BCKDHB: variants seen among roughly 807,000 people sequenced by gnomAD.
BCKDHB encodes the protein 2-oxoisovalerate dehydrogenase subunit beta, mitochondrial.
Under a neutral mutation model 48.5 loss-of-function variants are expected in BCKDHB, and 41 were observed. That is an observed-to-expected ratio of 0.85 (90% CI 0.66 to 1.10). BCKDHB has a LOEUF of 1.10. Ranked by LOEUF, BCKDHB falls within the 50% of genes least tolerant of loss-of-function variation. The pLI is 0.00. For missense variants in BCKDHB, 496 were observed against 494.2 expected, an observed-to-expected ratio of 1.00 and a Z score of -0.03; for synonymous variants, 201 against 174.8, an observed-to-expected ratio of 1.15 and a Z score of -1.18.
chr6:80,113,724 A>G (rs1769535837), intron 1 of BCKDHB, among the ~76,000 whole-genome samples: 1 of 152,208 alleles, frequency 6.6e-6, no homozygotes, highest in Non-Finnish European at 1.5e-5. Context: ...ACAAGGAAAA[A>G]ATGAAGCAAC....
At chr6:80,136,447 T>C (rs1312400733) in intron 3 of BCKDHB, among the ~76,000 whole-genome samples, 1 of 152,140 alleles carries the variant, frequency 6.6e-6, no homozygotes, top group Non-Finnish European at 1.5e-5. Context: ...TTTAACACCA[T>C]ATACAAAAAT....
chr6:80,361,205 G>A, the BCKDHB span, among the ~76,000 whole-genome samples: 1 of 152,022 alleles, frequency 6.6e-6, no homozygotes, highest in African/African-American at 2.4e-5. Context: ...CTTTAAAATG[G>A]TAGCCTCTTC....
chr6:80,340,564 A>T (rs117817704), intron 9 of BCKDHB, among the ~76,000 whole-genome samples: 2,350 of 152,324 alleles, frequency 0.015, 25 homozygotes, highest in Non-Finnish European at 0.022. Flanking sequence ...CCATTACTTA[A>T]TTCCCAATTT....
At chr6:80,392,369 T>TATTTA in the BCKDHB span, among the ~76,000 whole-genome samples, 9 of 152,090 alleles carry the variant, frequency 5.9e-5, no homozygotes, top group South Asian at 4.1e-4. Flanking sequence ...TGTATTTTTT[T>TATTTA]TTTATTTATT....
rs371127649 is a variant in BCKDHB at position 80,176,497 on chromosome 6, C to G, written c.742+5107C>G. ...GACAGGAGATAAAGTACAGAGCTCA[C>G]TTTAGGTAGAGACTTTGCTAGGAGC... On this transcript the variant is annotated intron_variant, in intron 6 of 9. Coordinates refer to ENST00000320393, the MANE Select transcript of BCKDHB (RefSeq NM_183050.4). Among the ~76,000 whole-genome samples the G allele has an allele frequency of 2.6e-5, 4 of 152,120 alleles. No individual in the cohort carries two copies. In the East Asian group the frequency reaches 7.7e-4, roughly 29 times the overall value.
intron 6 of BCKDHB, among the ~76,000 whole-genome samples, chr6:80,178,604 T>C (rs79498704): frequency 0.018 from 2,746 of 152,328 alleles, 30 homozygotes; most frequent in Non-Finnish European, 0.024. Context: ...AGAACACTTA[T>C]GTGCTAGACG....
intron 9 of BCKDHB, chr6:80,307,455 T>G (rs551174059): frequency 1.0e-6 from 1 of 985,346 alleles, no homozygotes; most frequent in East Asian, 1.1e-4. Context: ...TGCTTCACAG[T>G]GCTAATGATT....
intron 9 of BCKDHB, among the ~76,000 whole-genome samples, chr6:80,323,392 T>C (rs1023079870): frequency 2.6e-5 from 4 of 152,208 alleles, no homozygotes; most frequent in African/African-American, 7.2e-5. Context: ...AGAAAAGTGA[T>C]AAATTGTGAG....
At chr6:80,307,763 A>G in intron 9 of BCKDHB, 1 of 983,956 alleles carries the variant, frequency 1.0e-6, no homozygotes. Context: ...GTAGAAGATG[A>G]AGCACACACT....
the BCKDHB span, among the ~76,000 whole-genome samples, chr6:80,398,981 A>C: frequency 2.0e-5 from 3 of 152,176 alleles, no homozygotes; most frequent in South Asian, 4.1e-4. Context: ...GTAATTCATC[A>C]CATAAACAGA....
chr6:80,177,633 C>T (rs1562112065), intron 6 of BCKDHB, among the ~76,000 whole-genome samples: 2 of 152,144 alleles, frequency 1.3e-5, no homozygotes, highest in Non-Finnish European at 2.9e-5. Flanking sequence ...CTCATCAGAA[C>T]TAAACCAGTG....
At chr6:80,266,994 C>T (rs1314490346) in intron 8 of BCKDHB, among the ~76,000 whole-genome samples, 1 of 151,948 alleles carries the variant, frequency 6.6e-6, no homozygotes, top group Admixed American at 6.6e-5. Flanking sequence ...ACCACCACCC[C>T]CCGCCCATGA....
the BCKDHB span, among the ~76,000 whole-genome samples, chr6:80,451,747 AG>A: frequency 1.3e-5 from 2 of 150,312 alleles, no homozygotes; most frequent in African/African-American, 4.9e-5. Context: ...AAAAAAAAAA[AG>A]AAAGTGACAT....
At chr6:80,283,688 A>G (rs1424856969) in intron 9 of BCKDHB, among the ~76,000 whole-genome samples, 3 of 152,052 alleles carry the variant, frequency 2.0e-5, no homozygotes, top group Non-Finnish European at 4.4e-5. Flanking sequence ...GTTTCCATTC[A>G]TTGCATTGAT....
At chr6:80,298,561 A>G (rs1011003154) in intron 9 of BCKDHB, among the ~76,000 whole-genome samples, 1 of 152,240 alleles carries the variant, frequency 6.6e-6, no homozygotes, top group Admixed American at 6.5e-5. Context: ...TAAAGGTAGA[A>G]CAGATATCAA....
intron 6 of BCKDHB, among the ~76,000 whole-genome samples, chr6:80,181,447 C>T (rs1773409160): frequency 6.6e-6 from 1 of 152,158 alleles, no homozygotes; most frequent in South Asian, 2.1e-4. Flanking sequence ...GTGGCTAAGT[C>T]AACAATGTTC....
the BCKDHB span, among the ~76,000 whole-genome samples, chr6:80,371,408 T>C: frequency 6.6e-6 from 1 of 152,210 alleles, no homozygotes; most frequent in East Asian, 1.9e-4. Flanking sequence ...ACATATAGAT[T>C]GTGAAGATTT....
At chr6:80,136,366 G>A (rs1320990604) in intron 3 of BCKDHB, among the ~76,000 whole-genome samples, 1 of 152,064 alleles carries the variant, frequency 6.6e-6, no homozygotes, top group Non-Finnish European at 1.5e-5. Flanking sequence ...CAGGGGAAAG[G>A]ACAGTCTTTT....
chr6:80,346,730 C>T (rs1770217826), downstream of BCKDHB, among the ~76,000 whole-genome samples: 2 of 152,204 alleles, frequency 1.3e-5, no homozygotes, highest in Admixed American at 6.5e-5. Flanking sequence ...ACAGATGACT[C>T]TGACAGGAGG....
Sources: allele counts gnomAD v4.1 joint callset (sites outside exome capture counted in the v4.1 genomes callset), GRCh38; gene constraint gnomAD v4.1.1; transcripts MANE v1.5; gene names NCBI Gene and HGNC (gene_info 2026-07-23, HGNC 2026-07-21).